The following MAP3K5 variants were observed in gnomAD, a reference collection of about 807,000 sequenced individuals.
MAP3K5 encodes ASK-1.
In MAP3K5, 56 loss-of-function variants were observed where a neutral mutation model predicts 158.7. That is an observed-to-expected ratio of 0.35 (90% CI 0.28 to 0.44). MAP3K5 has a LOEUF of 0.44. Ranked by LOEUF, MAP3K5 falls within the 20% of genes least tolerant of loss-of-function variation. MAP3K5 has a pLI of 1.00. For missense variants in MAP3K5, 1,294 were observed against 1,674.8 expected, an observed-to-expected ratio of 0.77 and a Z score of 3.97; for synonymous variants, 579 against 601.7, an observed-to-expected ratio of 0.96 and a Z score of 0.55.
intron 10 of MAP3K5, among the ~76,000 whole-genome samples, chr6:136,652,534 T>A (rs1778564721): frequency 1.3e-5 from 2 of 152,184 alleles, no homozygotes. Flanking sequence ...GGTGCTCTCA[T>A]ATCTGAGTAT....
intron 1 of MAP3K5, among the ~76,000 whole-genome samples, chr6:136,774,606 T>A (rs1440550154): frequency 2.0e-5 from 3 of 152,192 alleles, no homozygotes; most frequent in Non-Finnish European, 4.4e-5. Context: ...CATCTACAGG[T>A]CACACACTGA....
intron 7 of MAP3K5, among the ~76,000 whole-genome samples, chr6:136,676,194 C>T (rs1268780891): frequency 1.3e-5 from 2 of 152,146 alleles, no homozygotes; most frequent in East Asian, 1.9e-4. Flanking sequence ...AATGAATCTC[C>T]GGTACTTGAA....
chr6:136,783,378 G>A (rs1271001971), intron 1 of MAP3K5, among the ~76,000 whole-genome samples: 1 of 151,170 alleles, frequency 6.6e-6, no homozygotes, highest in Non-Finnish European at 1.5e-5. Flanking sequence ...TCCCTTTTAT[G>A]CCACTAATAA....
In MAP3K5 at chr6:136,583,740, C is replaced by G; in HGVS notation, c.3226G>C (p.Gly1076Arg). Residue 1076 changes from glycine (G) to arginine (R), a missense_variant and splice_region_variant, in exon 24 of 30, where the codon GGG becomes CGG. By Grantham distance (125) the Gly-to-Arg change is moderately radical. This residue lies in a region of MAP3K5 where 362 missense variants were observed against 463.2 expected (regional missense o/e 0.78). Coordinates refer to ENST00000359015, the MANE Select transcript of MAP3K5 (RefSeq NM_005923.4). ...CATTTTAGTTTCGGTTCTTCAGCCC[C>G]CTGTGAATAAAAATCAACAATCCTT... ...VRNLMESLAQ[G>R]AEEPKLKWEH... The G allele has an allele frequency of 1.2e-6, 2 of 1,613,314 alleles. No individual in the cohort carries two copies. The highest frequency in any genetic ancestry group is 1.7e-6 in the Non-Finnish European group (2 of 1,179,512).
At chr6:136,650,661 T>C (rs1197358038) in intron 11 of MAP3K5, among the ~76,000 whole-genome samples, 1 of 152,246 alleles carries the variant, frequency 6.6e-6, no homozygotes, top group Non-Finnish European at 1.5e-5. Context: ...TTATGTCACG[T>C]ATTTTAAGTA....
intron 1 of MAP3K5, among the ~76,000 whole-genome samples, chr6:136,723,546 C>T (rs1185071015): frequency 3.9e-5 from 6 of 152,142 alleles, no homozygotes; most frequent in South Asian, 4.2e-4. Flanking sequence ...ATATTTCCCA[C>T]GATTTCTATT....
chr6:136,754,736 G>T (rs1300792451), intron 1 of MAP3K5, among the ~76,000 whole-genome samples: 1 of 152,186 alleles, frequency 6.6e-6, no homozygotes, highest in Non-Finnish European at 1.5e-5. Context: ...GGAAGAACAG[G>T]ACACCCACAT....
chr6:136,570,862 T>A (rs73554186), intron 25 of MAP3K5, among the ~76,000 whole-genome samples: 98 of 152,304 alleles, frequency 6.4e-4, no homozygotes, highest in African/African-American at 2.3e-3. Flanking sequence ...TGAATTTGAC[T>A]ACTCTAGACA....
rs569118948 is a variant in MAP3K5 at position 136,766,710 on chromosome 6, T to C, written c.448+25000A>G. On this transcript the variant is annotated intron_variant, in intron 1 of 29. Transcript: ENST00000359015. ...TCAACATAAAACCAATTTAAATCTA[T>C]AATAAACTCCATTTCTTCATCTTGT... Among the ~76,000 whole-genome samples the C allele has an allele frequency of 3.3e-5, 5 of 152,338 alleles. No homozygotes were observed. In the East Asian group the frequency reaches 7.7e-4, roughly 23 times the overall value.
Position 136,792,270 on chromosome 6 carries a change from G to A in MAP3K5, c.-113C>T. The stretch of plus-strand genomic sequence containing the variant: ...CCGGGCTAAGCAGCTGCCATCGCGC[G>A]CCGCGCCCTCGCCGCCGCGCCGCCG... On this transcript the variant is annotated 5_prime_UTR_variant, in exon 1 of 30. Transcript: ENST00000359015. This position sits in a 1 kb window ranked among gnomAD's most constrained non-coding sequence, Gnocchi z 5.7. 2 of 1,168,084 alleles carry A rather than the reference G, an allele frequency of 1.7e-6. No homozygotes were observed. Among genetic ancestry groups the A allele is most frequent in the Admixed American group, 4.7e-5 (1 of 21,210 alleles). 72.4% of individuals were successfully genotyped at this position (1,168,084 alleles called of 1,614,324 possible). A position where few individuals can be genotyped will look rare whatever the true frequency, so the allele number is the denominator to read the frequency against.
In MAP3K5 at chr6:136,736,678, A is replaced by G. The variant is rs549101767; in HGVS notation, c.449-16089T>C. On this transcript the variant is annotated intron_variant, in intron 1 of 29. Transcript: ENST00000359015. ...TAAATCTATCAGTAAAGGAATTCGCATACTCTAGGAAAACTAATGTTGTTG... is the reference window on the plus strand; with the variant it reads ...TAAATCTATCAGTAAAGGAATTCGCGTACTCTAGGAAAACTAATGTTGTTG... Among the ~76,000 whole-genome samples the G allele has an allele frequency of 1.2e-4, 19 of 152,164 alleles. No individual in the cohort carries two copies. The East Asian group carries it at 3.7e-3, about 29-fold the overall frequency.
intron 1 of MAP3K5, among the ~76,000 whole-genome samples, chr6:136,732,786 A>AG (rs1371007413): frequency 6.6e-6 from 1 of 152,310 alleles, no homozygotes; most frequent in South Asian, 2.1e-4. Flanking sequence ...AAGCCTCCTA[A>AG]GCATCAAAAA....
At chr6:136,705,085 C>G (rs777983913) in intron 3 of MAP3K5, 25 bp downstream of exon 3, 2 of 1,118,506 alleles carry the variant, frequency 1.8e-6, no homozygotes, top group East Asian at 5.3e-5. Flanking sequence ...TTTTAAAACT[C>G]TGGAAGGTTA....
At chr6:136,724,764 A>G (rs1284643616) in intron 1 of MAP3K5, among the ~76,000 whole-genome samples, 1 of 152,110 alleles carries the variant, frequency 6.6e-6, no homozygotes, top group Non-Finnish European at 1.5e-5. Context: ...AGACATTTCT[A>G]TTCTTTCCTA....
intron 7 of MAP3K5, among the ~76,000 whole-genome samples, chr6:136,677,412 C>G (rs1779756003): frequency 6.6e-6 from 1 of 152,178 alleles, no homozygotes; most frequent in Non-Finnish European, 1.5e-5. Context: ...GCAGGGATTA[C>G]AGGCGTGGGC....
rs74562394 is a variant in MAP3K5 at position 136,766,486 on chromosome 6, G to A, written c.448+25224C>T. Reference sequence around the variant, plus strand: ...AGGGTAGGTTATCTGAAGTTCTGACGTCTTCCCTTCATTACCAGACATACC... The same window carrying A: ...AGGGTAGGTTATCTGAAGTTCTGACATCTTCCCTTCATTACCAGACATACC... On this transcript the variant is annotated intron_variant, in intron 1 of 29. Transcript: ENST00000359015. Among the ~76,000 whole-genome samples, 22 of 152,290 alleles carry A rather than the reference G, an allele frequency of 1.4e-4. No individual in the cohort carries two copies. In the East Asian group the frequency reaches 2.3e-3, roughly 16 times the overall value.
intron 1 of MAP3K5, among the ~76,000 whole-genome samples, chr6:136,771,572 T>C (rs1055445708): frequency 6.6e-6 from 1 of 152,146 alleles, no homozygotes; most frequent in East Asian, 1.9e-4. Flanking sequence ...TTAATCTGCA[T>C]GCAATTAAAA....
chr6:136,791,352 A>AGG (rs1785064751), intron 1 of MAP3K5, among the ~76,000 whole-genome samples: 2 of 152,216 alleles, frequency 1.3e-5, no homozygotes, highest in Admixed American at 1.3e-4. Flanking sequence ...CAGAAAGAAA[A>AGG]CAGGGACCAA....
intron 26 of MAP3K5, among the ~76,000 whole-genome samples, chr6:136,566,404 C>T (rs1025022617): frequency 6.6e-6 from 1 of 150,562 alleles, no homozygotes; most frequent in African/African-American, 2.4e-5. Flanking sequence ...GAGATCACAG[C>T]AGGAGTCCAA....
Sources: allele counts gnomAD v4.1 joint callset (sites outside exome capture counted in the v4.1 genomes callset), GRCh38; gene constraint gnomAD v4.1.1; regional missense constraint gnomAD v4.1.1; non-coding constraint Gnocchi (gnomAD v3.1); transcripts MANE v1.5; gene names NCBI Gene and HGNC (gene_info 2026-07-23, HGNC 2026-07-21).